Variants in SMU1 observed in about 807,000 individuals in gnomAD.
SMU1 encodes the protein SMU1 DNA replication regulator and spliceosomal factor.
Under a neutral mutation model 62.0 loss-of-function variants are expected in SMU1, and 2 were observed. The ratio of observed to expected loss-of-function variants is 0.03; its 90% confidence interval spans 0.01 to 0.10. The LOEUF (loss-of-function observed/expected upper bound fraction) is 0.10. Among genes scored for constraint, SMU1 ranks in the 10% least tolerant of loss-of-function variants. The pLI is 1.00. For synonymous variants in SMU1, 188 were observed against 212.4 expected (o/e 0.89, Z 1.00); for missense variants, 227 against 622.1 (o/e 0.36, Z 6.76).
chr9:33,043,754 G>A lies in SMU1; in HGVS notation c.*3539C>T, dbSNP rs1464382493. The A allele has an allele frequency of 6.6e-6, 1 of 152,206 alleles. No homozygotes were observed. 9.4% of individuals were successfully genotyped at this position (152,206 alleles called of 1,614,324 possible). On this transcript the variant is annotated 3_prime_UTR_variant, in exon 12 of 12. Transcript: ENST00000397149. ...AAAACCTAGCTTCGGAGTCACATCT[G>A]GTTTTCAATGCGAGCTTCGTGCAAG...
intron 7 of SMU1, 32 bp downstream of exon 7, chr9:33,057,566 T>C (rs201800699): frequency 1.9e-6 from 3 of 1,611,540 alleles, no homozygotes; most frequent in Non-Finnish European, 2.5e-6. Flanking sequence ...TCAAAATGTC[T>C]ACATATGAGA....
chr9:33,047,602 A>G (rs1161801708), intron 11 of SMU1, among the ~76,000 whole-genome samples: 1 of 152,186 alleles, frequency 6.6e-6, no homozygotes, highest in Non-Finnish European at 1.5e-5. Context: ...TCATGTCTGC[A>G]ATCCCAGTAC....
At chr9:33,054,783 C>G (rs960341613) in intron 9 of SMU1, among the ~76,000 whole-genome samples, 3 of 152,154 alleles carry the variant, frequency 2.0e-5, no homozygotes, top group African/African-American at 7.2e-5. Context: ...GCCCTGGTGT[C>G]AACACTGTTA....
intron 6 of SMU1, 52 bp from the exon 7 acceptor site, chr9:33,057,766 A>C (rs771933111): frequency 1.2e-6 from 2 of 1,604,292 alleles, no homozygotes; most frequent in African/African-American, 2.7e-5. Context: ...CCAAGACCCC[A>C]GTTCTCTACA....
intron 8 of SMU1, 112 bp downstream of exon 8, chr9:33,056,725 A>C: frequency 8.5e-7 from 1 of 1,180,930 alleles, no homozygotes; most frequent in Non-Finnish European, 1.2e-6. Context: ...TCTCCATATC[A>C]CATCATCATG....
intron 10 of SMU1, among the ~76,000 whole-genome samples, chr9:33,051,596 T>C (rs1233866189): frequency 6.6e-6 from 1 of 152,212 alleles, no homozygotes; most frequent in Non-Finnish European, 1.5e-5. Context: ...GTCCGTATTT[T>C]CTGCTCAATT....
intron 4 of SMU1, among the ~76,000 whole-genome samples, chr9:33,066,419 G>T (rs1467844686): frequency 2.0e-5 from 3 of 151,104 alleles, no homozygotes; most frequent in African/African-American, 7.3e-5. Context: ...GCTGGGCTCA[G>T]CGGCTTACAC....
Position 33,071,791 on chromosome 9 carries a change from T to A in SMU1, c.339A>T (p.Arg113=). 3 of 1,612,458 alleles carry A rather than the reference T, an allele frequency of 1.9e-6. No individual in the cohort carries two copies. Among genetic ancestry groups the A allele is most frequent in the Non-Finnish European group, 2.5e-6 (3 of 1,179,530 alleles). The change falls in exon 3 of 12, where the codon CGA becomes CGT. Residue 113 remains arginine, a synonymous_variant. Transcript: ENST00000397149. ...CCAAAAGGTTCTCCAGATGAATATA[T>A]CGCTCTGGCTGTGTTTGTTTTAACA... ...MIMLKQTQPE[R]YIHLENLLAR...
At chr9:33,055,988 A>T in intron 9 of SMU1, 125 bp downstream of exon 9, 2 of 939,486 alleles carry the variant, frequency 2.1e-6, no homozygotes, top group Non-Finnish European at 3.0e-6. Context: ...CACCTCAATT[A>T]CAGCTAAAAT....
intron 3 of SMU1, among the ~76,000 whole-genome samples, chr9:33,069,595 GT>G (rs1839463859): frequency 6.6e-6 from 1 of 152,200 alleles, no homozygotes. Context: ...GAGGTCAGGA[GT>G]TTGTGACCAG....
At position 33,057,688 on chromosome 9, in the gene SMU1, G is replaced by A. The variant is rs145604578; in HGVS notation, c.777C>T (p.Asn259=). ...RKDLKYQAQD[N]FMMMDDAVLC... is the part of the protein sequence containing the mutation. ...GGACAGCATCATCCATCATCATAAA[G>A]TTATCTTGGGCCTGGTACTTAAGAT... Residue 259 remains asparagine (N), a synonymous_variant, in exon 7 of 12, where the codon AAC becomes AAT. Transcript: ENST00000397149. 4 of 1,613,844 alleles carry A rather than the reference G, an allele frequency of 2.5e-6. No homozygotes were observed. The highest frequency in any genetic ancestry group is 3.4e-6 in the Non-Finnish European group (4 of 1,179,964).
chr9:33,070,671 T>C (rs1260363919), intron 3 of SMU1, among the ~76,000 whole-genome samples: 1 of 152,232 alleles, frequency 6.6e-6, no homozygotes, highest in African/African-American at 2.4e-5. Context: ...GAGGTACATG[T>C]ACACAATGGT....
rs1839367852 is a variant in SMU1, at chr9:33,062,035, T to C, written c.630+14A>G. 1.2e-6 allele frequency: 2 copies of C among 1,612,160 alleles called. No homozygotes were observed. Among genetic ancestry groups the C allele is most frequent in the African/African-American group, 2.7e-5 (2 of 74,874 alleles). ...CAAATGATTACTGACTGGCTGAATG[T>C]CTTAGGATCCTACCTTAATATGCCT... is the stretch of plus-strand genomic sequence containing the variant. On this transcript the variant is annotated intron_variant, in intron 5 of 11. Transcript: ENST00000397149.
chr9:33,071,941 C>G (rs760621076), intron 2 of SMU1, 49 bp from the exon 3 acceptor site: 13 of 1,469,592 alleles, frequency 8.8e-6, no homozygotes, highest in Admixed American at 5.3e-5. Context: ...TTCAACACAC[C>G]GTCTTATTAA....
At chr9:33,053,719 T>C (rs746840901) in intron 9 of SMU1, among the ~76,000 whole-genome samples, 2 of 152,258 alleles carry the variant, frequency 1.3e-5, no homozygotes, top group Non-Finnish European at 1.5e-5. Context: ...GAATTTTCTT[T>C]TTTTTCCCCA....
chr9:33,074,769 C>T (rs1169372079), intron 1 of SMU1, among the ~76,000 whole-genome samples: 2 of 144,366 alleles, frequency 1.4e-5, no homozygotes, highest in African/African-American at 5.0e-5. Flanking sequence ...AAGCAAACAT[C>T]CTCTTTTTTT....
At chr9:33,063,689 T>G (rs1839388475) in intron 4 of SMU1, among the ~76,000 whole-genome samples, 1 of 149,156 alleles carries the variant, frequency 6.7e-6, no homozygotes, top group Admixed American at 7.0e-5. Context: ...AACCCTATTT[T>G]GAAATGCGCA....
rs1170021217 is a variant in SMU1, at chr9:33,071,766, C to A, written c.364G>T (p.Ala122Ser). The A allele has an allele frequency of 1.2e-6, 2 of 1,611,858 alleles. No individual in the cohort carries two copies. The highest frequency in any genetic ancestry group is 3.4e-5 in the Admixed American group (2 of 59,574). ...ERYIHLENLL[A>S]RSYFDPREAY... ...TCACGAGGATCAAAGTAAGACCTGGCCAAAAGGTTCTCCAGATGAATATAT... is the reference window on the plus strand; with the variant it reads ...TCACGAGGATCAAAGTAAGACCTGGACAAAAGGTTCTCCAGATGAATATAT... The change falls in exon 3 of 12, where the codon GCC (alanine) becomes TCC (serine). Residue 122 changes from alanine (A) to serine (S), a missense_variant. Physicochemically the swap from Ala to Ser is moderately conservative, Grantham distance 99. This residue lies in a region of SMU1 where 99 missense variants were observed against 270.3 expected (regional missense o/e 0.37). Coordinates refer to ENST00000397149, the MANE Select transcript of SMU1 (RefSeq NM_018225.3).
chr9:33,071,958 T>C (rs1010982817), intron 2 of SMU1, 66 bp from the exon 3 acceptor site: 1 of 1,436,932 alleles, frequency 7.0e-7, no homozygotes, highest in African/African-American at 1.5e-5. Context: ...TTAATATTTT[T>C]CGGTAAAATA....
Sources: gnomAD v4.1 joint callset for allele counts (sites outside exome capture counted in the v4.1 genomes callset) on GRCh38, gnomAD v4.1.1 for gene constraint, gnomAD v4.1.1 regional missense constraint, MANE v1.5 for transcripts, NCBI Gene and HGNC (gene_info 2026-07-23, HGNC 2026-07-21) for gene names.